Variants in PCSK5 observed in about 807,000 individuals in gnomAD.
PCSK5 encodes prohormone convertase 5.
Under a neutral mutation model 233.2 loss-of-function variants are expected in PCSK5, and 129 were observed. The observed-to-expected ratio is 0.55, with a 90% CI of 0.48 to 0.64. The LOEUF (loss-of-function observed/expected upper bound fraction) is 0.64. Among genes scored for constraint, PCSK5 ranks in the 30% least tolerant of loss-of-function variants. The pLI is 0.00. For synonymous variants in PCSK5, 825 were observed against 879.2 expected, an observed-to-expected ratio of 0.94 and a Z score of 1.09; for missense variants, 2,076 against 2,430.1, an observed-to-expected ratio of 0.85 and a Z score of 3.06.
At chr9:75,955,918 A>G (rs972155052) in intron 2 of PCSK5, among the ~76,000 whole-genome samples, 2 of 152,152 alleles carry the variant, frequency 1.3e-5, no homozygotes, top group African/African-American at 4.8e-5. Context: ...AATGCTCTTG[A>G]CTACCCTAAG....
intron 5 of PCSK5, among the ~76,000 whole-genome samples, chr9:76,061,095 A>G (rs1830013124): frequency 6.6e-6 from 1 of 152,190 alleles, no homozygotes; most frequent in South Asian, 2.1e-4. Context: ...TTTCATTAGA[A>G]AGATTACTAA....
intron 1 of PCSK5, among the ~76,000 whole-genome samples, chr9:75,903,593 AT>A (rs1826142355): frequency 7.1e-6 from 1 of 141,026 alleles, no homozygotes; most frequent in Non-Finnish European, 1.5e-5. Context: ...TATATAAAAT[AT>A]ATATTATATA....
chr9:76,294,701 A>T (rs17777602), intron 25 of PCSK5, among the ~76,000 whole-genome samples: 9,477 of 151,854 alleles, frequency 0.062, 342 homozygotes, highest in Non-Finnish European at 0.069. Context: ...CATAATCAGT[A>T]CTCTATAAAT....
At chr9:76,296,417 C>G (rs904121848) in intron 26 of PCSK5, among the ~76,000 whole-genome samples, 1 of 152,166 alleles carries the variant, frequency 6.6e-6, no homozygotes, top group African/African-American at 2.4e-5. Context: ...GTGACACATA[C>G]CTGTAGTCCC....
chr9:76,301,715 T>A (rs993854060), intron 27 of PCSK5, among the ~76,000 whole-genome samples: 1 of 151,964 alleles, frequency 6.6e-6, no homozygotes, highest in South Asian at 2.1e-4. Flanking sequence ...ATGGCGGTGC[T>A]TGCCTATAGT....
intron 23 of PCSK5, among the ~76,000 whole-genome samples, chr9:76,240,319 G>T (rs1323587689): frequency 2.0e-5 from 3 of 152,168 alleles, no homozygotes; most frequent in African/African-American, 7.2e-5. Flanking sequence ...CATTTTCCCA[G>T]AAGCAGAGCT....
At chr9:76,036,779 GTC>G (rs1828876893) in intron 5 of PCSK5, among the ~76,000 whole-genome samples, 1 of 152,230 alleles carries the variant, frequency 6.6e-6, no homozygotes, top group African/African-American at 2.4e-5. Flanking sequence ...TTCTCACACT[GTC>G]TGATTACCTG....
chr9:76,116,581 ATAAAAT>A (rs1159748831), intron 9 of PCSK5, among the ~76,000 whole-genome samples: 1 of 148,506 alleles, frequency 6.7e-6, no homozygotes, highest in Admixed American at 6.7e-5. Context: ...GTGCAAAAAG[ATAAAAT>A]TAAGAGATAA....
At position 76,328,041 on chromosome 9, in the gene PCSK5, T is replaced by C; in HGVS notation, c.4372T>C (p.Ser1458Pro). ...CAAGTCCTGCTTGACCTGCTCATCA[T>C]CTGGGACCTGCACCACCTGTCAGAA... ...CHKSCLTCSSSGTCTTCQKGL... is the reference protein window; with the variant it reads ...CHKSCLTCSSPGTCTTCQKGL... Residue 1458 changes from serine (S) to proline (P), a missense_variant, in exon 33 of 38, where the codon TCT becomes CCT. This residue lies in a region of PCSK5 where 1,510 missense variants were observed against 1,538.1 expected (regional missense o/e 0.98). Coordinates refer to ENST00000674117, the MANE Select transcript of PCSK5 (RefSeq NM_001372043.1). 6.2e-7 allele frequency: 1 copy of C among 1,612,718 alleles called. No homozygotes were observed. The highest frequency in any genetic ancestry group is 1.3e-5 in the African/African-American group (1 of 75,024).
intron 37 of PCSK5, among the ~76,000 whole-genome samples, chr9:76,357,895 T>C (rs1830341585): frequency 6.6e-6 from 1 of 152,200 alleles, no homozygotes; most frequent in East Asian, 1.9e-4. Flanking sequence ...GGGACAGTCA[T>C]GTTGGCCCAG....
At chr9:76,032,155 G>A (rs1828677475) in intron 5 of PCSK5, among the ~76,000 whole-genome samples, 1 of 152,198 alleles carries the variant, frequency 6.6e-6, no homozygotes, top group Admixed American at 6.5e-5. Flanking sequence ...ATCAGAATAA[G>A]GAAGTTGAGG....
At chr9:76,116,290 T>C (rs1832421163) in intron 9 of PCSK5, among the ~76,000 whole-genome samples, 1 of 152,100 alleles carries the variant, frequency 6.6e-6, no homozygotes, top group Non-Finnish European at 1.5e-5. Flanking sequence ...AAGAAAGACA[T>C]TGGATGTTTA....
chr9:76,101,128 G>A (rs2131666066), intron 8 of PCSK5, among the ~76,000 whole-genome samples: 1 of 152,124 alleles, frequency 6.6e-6, no homozygotes, highest in South Asian at 2.1e-4. Context: ...CTTATTTACT[G>A]TCTGTTTTTC....
Position 76,358,790 on chromosome 9 carries a change from G to GGATGAT in PCSK5, c.5541_5546dup (p.Asp1848_Asp1849dup), listed in dbSNP as rs774326762. 6.2e-7 allele frequency: 1 copy of GGATGAT among 1,612,878 alleles called. No individual in the cohort carries two copies. Among genetic ancestry groups the GGATGAT allele is most frequent in the East Asian group, 2.2e-5 (1 of 44,884 alleles). On this transcript the variant is annotated inframe_insertion, in exon 38 of 38. Coordinates refer to ENST00000674117, the MANE Select transcript of PCSK5 (RefSeq NM_001372043.1). ...AGTACAGGGATCGGGACTATGATGA[G>GGATGAT]GATGATGATGATGACATCGTCTACA...
intron 9 of PCSK5, among the ~76,000 whole-genome samples, chr9:76,112,253 A>G (rs892561467): frequency 1.3e-5 from 2 of 152,200 alleles, no homozygotes; most frequent in Non-Finnish European, 2.9e-5. Flanking sequence ...TTCTGAAATT[A>G]TCTAAAACTT....
chr9:75,974,269 TC>T (rs1825922950), intron 2 of PCSK5, among the ~76,000 whole-genome samples: 1 of 152,118 alleles, frequency 6.6e-6, no homozygotes, highest in African/African-American at 2.4e-5. Context: ...CGACGGGAGC[TC>T]CAGCCGGTGC....
intron 9 of PCSK5, among the ~76,000 whole-genome samples, chr9:76,131,579 A>G (rs1822761873): frequency 6.6e-6 from 1 of 152,102 alleles, no homozygotes. Context: ...AAAACAAGTA[A>G]CTCTTATTTC....
intron 2 of PCSK5, among the ~76,000 whole-genome samples, chr9:75,936,180 C>G (rs1391590130): frequency 1.3e-5 from 2 of 152,174 alleles, no homozygotes; most frequent in Non-Finnish European, 2.9e-5. Flanking sequence ...GAGCCATAAT[C>G]TTTCTGCTAG....
At chr9:76,256,667 A>C (rs1294356333) in intron 24 of PCSK5, among the ~76,000 whole-genome samples, 1 of 152,220 alleles carries the variant, frequency 6.6e-6, no homozygotes, top group Non-Finnish European at 1.5e-5. Context: ...ACCCTTAGTC[A>C]ATCAAGACCC....
Sources: allele counts gnomAD v4.1 joint callset (sites outside exome capture counted in the v4.1 genomes callset), GRCh38; gene constraint gnomAD v4.1.1; regional missense constraint gnomAD v4.1.1; transcripts MANE v1.5; gene names NCBI Gene and HGNC (gene_info 2026-07-23, HGNC 2026-07-21).